WHRN: variants seen among roughly 807,000 people sequenced by gnomAD.
The protein encoded by WHRN is whirlin, also known as CASK-interacting protein CIP98.
A neutral mutation model predicts 68.3 loss-of-function variants in WHRN; 41 were observed. The observed-to-expected ratio is 0.60, with a 90% confidence interval of 0.47 to 0.78. The LOEUF (loss-of-function observed/expected upper bound fraction) is 0.78. WHRN is among the 30% of genes least tolerant of loss of function. The pLI, the probability that WHRN is intolerant of heterozygous loss-of-function variation, is 0.00. For missense variants in WHRN, 1,243 were observed against 1,244.7 expected (o/e 1.00, Z 0.02); for synonymous variants, 560 against 561.3 (o/e 1.00, Z 0.03).
chr9:114,441,690 TAAC>T (rs1838387664), intron 3 of WHRN, among the ~76,000 whole-genome samples: 1 of 152,180 alleles, frequency 6.6e-6, no homozygotes, highest in African/African-American at 2.4e-5. Context: ...CAATCATAAA[TAAC>T]AAAGTAAGAA....
intron 3 of WHRN, among the ~76,000 whole-genome samples, chr9:114,446,615 T>C (rs1054477941): frequency 1.3e-5 from 2 of 152,188 alleles, no homozygotes; most frequent in Admixed American, 1.3e-4. Context: ...ATTGAACTTA[T>C]TACTTTAGTA....
At chr9:114,465,684 T>C (rs1840621991) in intron 3 of WHRN, among the ~76,000 whole-genome samples, 2 of 152,162 alleles carry the variant, frequency 1.3e-5, no homozygotes. Context: ...CTGCCTAAGT[T>C]CAAAGTCTGC....
intron 2 of WHRN, among the ~76,000 whole-genome samples, chr9:114,474,865 C>T (rs962004302): frequency 6.6e-6 from 1 of 152,172 alleles, no homozygotes; most frequent in Non-Finnish European, 1.5e-5. Context: ...GACACCGCCA[C>T]GTCCCTGCTG....
chr9:114,439,290 CATATGAATAACATAATTCAGCTG>C (rs1200404628), intron 3 of WHRN, among the ~76,000 whole-genome samples: 3 of 152,276 alleles, frequency 2.0e-5, no homozygotes, highest in African/African-American at 7.2e-5. Flanking sequence ...GAACCTTGTT[CATATGAATAACATAATTCAGCTG>C]AAGTGGGAAA....
intron 10 of WHRN, 43 bp from the exon 11 acceptor site, chr9:114,403,382 G>A (rs778816371): frequency 4.3e-6 from 7 of 1,613,190 alleles, no homozygotes; most frequent in South Asian, 3.3e-5. Context: ...TTCGCAGTTG[G>A]CAGGCCTGGC....
At chr9:114,469,835 A>G (rs1465206610) in intron 2 of WHRN, among the ~76,000 whole-genome samples, 1 of 152,234 alleles carries the variant, frequency 6.6e-6, no homozygotes, top group Non-Finnish European at 1.5e-5. Context: ...CTTCTCCTAG[A>G]GGCTCCAGAG....
intron 2 of WHRN, among the ~76,000 whole-genome samples, chr9:114,476,838 G>C (rs1410997740): frequency 6.6e-6 from 1 of 152,156 alleles, no homozygotes; most frequent in Non-Finnish European, 1.5e-5. Context: ...GGAGGACTCA[G>C]GAAGACACTG....
intron 3 of WHRN, among the ~76,000 whole-genome samples, chr9:114,432,019 G>A (rs1313121120): frequency 6.6e-6 from 1 of 152,220 alleles, no homozygotes; most frequent in Non-Finnish European, 1.5e-5. Flanking sequence ...TGCTTGCAGG[G>A]CACTGATGGG....
chr9:114,422,100 T>G (rs568967047), intron 7 of WHRN, among the ~76,000 whole-genome samples: 1 of 152,290 alleles, frequency 6.6e-6, no homozygotes, highest in African/African-American at 2.4e-5. Flanking sequence ...CATCTGTGTT[T>G]ATAACCATGG....
intron 1 of WHRN, among the ~76,000 whole-genome samples, chr9:114,493,657 C>T (rs1003130110): frequency 3.3e-5 from 5 of 151,880 alleles, no homozygotes; most frequent in African/African-American, 1.2e-4. Flanking sequence ...CCACAGACAA[C>T]GTACAAAATA....
Position 114,426,357 on chromosome 9 carries a change from G to C in WHRN, c.1020C>G (p.Asp340Glu), listed in dbSNP as rs745837106. ...NGRSFLNILH[D>E]EAVRLLKSSR... ...ATGACTTAAGCAGCCTGACAGCCTC[G>C]TCGTGTAGGATGTTGAGAAAGCTCC... The change falls in exon 4 of 12, where the codon GAC becomes GAG. Residue 340 changes from aspartate to glutamate, a missense_variant. Transcript: ENST00000362057. 1 of 1,614,102 alleles carries C rather than the reference G, an allele frequency of 6.2e-7. No homozygotes were observed.
chr9:114,494,023 C>T (rs997680351), intron 1 of WHRN, among the ~76,000 whole-genome samples: 6 of 152,212 alleles, frequency 3.9e-5, no homozygotes, highest in African/African-American at 1.4e-4. Flanking sequence ...ATCCTAGTCC[C>T]ACCACCCCTG....
intron 3 of WHRN, among the ~76,000 whole-genome samples, chr9:114,465,853 C>G (rs915069718): frequency 6.6e-6 from 1 of 152,204 alleles, no homozygotes; most frequent in East Asian, 1.9e-4. Flanking sequence ...GCTGGGCACA[C>G]AGTTAGCCCT....
intron 4 of WHRN, chr9:114,425,630 C>CACACACACAG (rs752151116): frequency 4.1e-4 from 95 of 232,684 alleles, no homozygotes; most frequent in East Asian, 1.8e-3. Context: ...CACACACACA[C>CACACACACAG]AGAGAGACAC....
intron 7 of WHRN, among the ~76,000 whole-genome samples, chr9:114,421,185 G>A (rs544418902): frequency 1.1e-4 from 16 of 152,282 alleles, no homozygotes; most frequent in African/African-American, 3.6e-4. Context: ...CCTTCCCCAG[G>A]GTGCCCCAAT....
chr9:114,464,566 A>G (rs1840503596), intron 3 of WHRN, among the ~76,000 whole-genome samples: 1 of 152,034 alleles, frequency 6.6e-6, no homozygotes, highest in African/African-American at 2.4e-5. Flanking sequence ...CAAAGGCCCC[A>G]CCTCCTAATA....
In WHRN at chr9:114,504,999, C is replaced by T; in HGVS notation, c.-198G>A. On this transcript the variant is annotated 5_prime_UTR_variant, in exon 1 of 12. Transcript: ENST00000362057. ...TGCTAGAGTCCCGGAGGCGCGAAGA[C>T]GGCGGGGGTCGCGAACCTGGAATCC... The T allele has an allele frequency of 1.3e-6, 1 of 743,318 alleles. No individual in the cohort carries two copies. Among genetic ancestry groups the T allele is most frequent in the Non-Finnish European group, 1.9e-6 (1 of 533,396 alleles). The allele number at this position is 743,318 out of a possible 1,614,324, so 46.0% of individuals were successfully genotyped here.
intron 2 of WHRN, among the ~76,000 whole-genome samples, chr9:114,469,278 G>A (rs1424705124): frequency 6.6e-6 from 1 of 152,082 alleles, no homozygotes; most frequent in Non-Finnish European, 1.5e-5. Flanking sequence ...ACCACCATGT[G>A]GACGTGAGCC....
At position 114,406,491 on chromosome 9, in the gene WHRN, C is replaced by T. The variant is rs1220942085; in HGVS notation, c.2100G>A (p.Gly700=). 1 of 1,614,060 alleles carries T rather than the reference C, an allele frequency of 6.2e-7. No homozygotes were observed. Among genetic ancestry groups the T allele is most frequent in the African/African-American group, 1.3e-5 (1 of 74,936 alleles). The change falls in exon 9 of 12, where the codon GGG becomes GGA. Residue 700 remains glycine, a synonymous_variant. Transcript: ENST00000362057. ...AGGGTGATGGGGGCAGAAGGCAGCC[C>T]CCAGCCACTGTGGCCTCTGCAGAGG... The part of the protein sequence containing the change: ...KSPSAEATVA[G]GCLLPPSPSG...
Sources: gnomAD v4.1 joint callset for allele counts (sites outside exome capture counted in the v4.1 genomes callset) on GRCh38, gnomAD v4.1.1 for gene constraint, MANE v1.5 for transcripts, NCBI Gene and HGNC (gene_info 2026-07-23, HGNC 2026-07-21) for gene names.